The following DPP10 variants were observed in gnomAD, a reference collection of about 807,000 sequenced individuals.
DPP10 encodes inactive dipeptidyl peptidase 10.
In DPP10, 33 loss-of-function variants were observed where a neutral mutation model predicts 120.9. The observed-to-expected ratio is 0.27, with a 90% CI of 0.21 to 0.37. The LOEUF is 0.37. Ranked by LOEUF, DPP10 falls within the 10% of genes least tolerant of loss-of-function variation. DPP10 has a pLI of 1.00. For missense variants in DPP10, 816 were observed against 942.8 expected, an observed-to-expected ratio of 0.87 and a Z score of 1.76; for synonymous variants, 337 against 326.1, an observed-to-expected ratio of 1.03 and a Z score of -0.36.
intron 1 of DPP10, among the ~76,000 whole-genome samples, chr2:114,775,232 A>C (rs1364357907): frequency 1.3e-5 from 2 of 152,168 alleles, no homozygotes; most frequent in African/African-American, 4.8e-5. Flanking sequence ...CTAATAGCTA[A>C]AGGTCATAAA....
intron 1 of DPP10, among the ~76,000 whole-genome samples, chr2:114,802,299 A>G (rs904658480): frequency 6.6e-6 from 1 of 152,234 alleles, no homozygotes; most frequent in African/African-American, 2.4e-5. Context: ...AGGTATTTAT[A>G]CTTTTAAAAT....
chr2:115,338,274 A>T (rs1388456451), intron 2 of DPP10, among the ~76,000 whole-genome samples: 1 of 152,108 alleles, frequency 6.6e-6, no homozygotes, highest in Non-Finnish European at 1.5e-5. Context: ...TTTGTTACAG[A>T]CATATCGGGT....
intron 1 of DPP10, among the ~76,000 whole-genome samples, chr2:114,653,752 C>A (rs911883030): frequency 2.5e-4 from 38 of 152,056 alleles, no homozygotes; most frequent in African/African-American, 8.9e-4. Flanking sequence ...GCTGGGCTGG[C>A]GGAGAGCTAT....
At chr2:114,448,281 A>G (rs948846477) in intron 1 of DPP10, among the ~76,000 whole-genome samples, 1 of 152,174 alleles carries the variant, frequency 6.6e-6, no homozygotes, top group African/African-American at 2.4e-5. Flanking sequence ...GTAAATTTAA[A>G]CAGTTTTATG....
intron 1 of DPP10, among the ~76,000 whole-genome samples, chr2:115,170,932 T>C (rs72955507): frequency 0.012 from 1,755 of 152,326 alleles, 29 homozygotes; most frequent in African/African-American, 0.036. Flanking sequence ...CTCTGCACTC[T>C]AGGATGGTAC....
At chr2:114,546,482 T>C (rs1201605327) in intron 1 of DPP10, among the ~76,000 whole-genome samples, 2 of 152,204 alleles carry the variant, frequency 1.3e-5, no homozygotes, top group Non-Finnish European at 2.9e-5. Context: ...AACATTTCAA[T>C]GTGAGATTTG....
At chr2:115,372,286 T>G (rs1465797081) in intron 3 of DPP10, among the ~76,000 whole-genome samples, 3 of 152,154 alleles carry the variant, frequency 2.0e-5, no homozygotes, top group African/African-American at 7.2e-5. Context: ...TTTAAAGATA[T>G]GAACAAGTGA....
chr2:115,102,966 C>T (rs987409247), intron 1 of DPP10, among the ~76,000 whole-genome samples: 1 of 151,968 alleles, frequency 6.6e-6, no homozygotes, highest in Admixed American at 6.6e-5. Flanking sequence ...TTGATGATAC[C>T]TTTAAATTGT....
At chr2:114,753,694 G>A (rs1679449838) in intron 1 of DPP10, among the ~76,000 whole-genome samples, 1 of 152,124 alleles carries the variant, frequency 6.6e-6, no homozygotes, top group East Asian at 1.9e-4. Flanking sequence ...CAGATCACGA[G>A]GTCAGGAGAT....
chr2:115,755,606 AAGATTTTATGG>A (rs1679292621), intron 11 of DPP10, among the ~76,000 whole-genome samples: 1 of 152,140 alleles, frequency 6.6e-6, no homozygotes, highest in South Asian at 2.1e-4. Context: ...GGTCTAGGCA[AAGATTTTATGG>A]CTAAGACTTC....
intron 1 of DPP10, among the ~76,000 whole-genome samples, chr2:115,023,000 CAAGATAGATCA>C (rs1379143656): frequency 1.3e-5 from 2 of 151,950 alleles, no homozygotes; most frequent in Non-Finnish European, 2.9e-5. Flanking sequence ...AAAATCAACT[CAAGATAGATCA>C]AAGACTTAAA....
intron 3 of DPP10, among the ~76,000 whole-genome samples, chr2:115,464,793 A>T (rs1400631407): frequency 6.6e-6 from 1 of 152,086 alleles, no homozygotes; most frequent in African/African-American, 2.4e-5. Flanking sequence ...TCCTTGCCAC[A>T]TGAGTAGGAG....
At chr2:115,480,047 C>G in intron 3 of DPP10, among the ~76,000 whole-genome samples, 1 of 152,024 alleles carries the variant, frequency 6.6e-6, no homozygotes, top group East Asian at 1.9e-4. Context: ...GTGCTGCAGG[C>G]CATAACCAGG....
chr2:115,623,959 T>C (rs2085171090), intron 5 of DPP10, among the ~76,000 whole-genome samples: 1 of 149,934 alleles, frequency 6.7e-6, no homozygotes, highest in Non-Finnish European at 1.5e-5. Context: ...GATCATTTAC[T>C]CAACATCTTT....
intron 5 of DPP10, among the ~76,000 whole-genome samples, chr2:115,654,760 CTCTCAG>C (rs1309701085): frequency 4.6e-5 from 7 of 151,768 alleles, no homozygotes; most frequent in Non-Finnish European, 7.4e-5. Flanking sequence ...CAATCAATAT[CTCTCAG>C]TCTCAATGTG....
At chr2:115,123,577 A>G (rs965726528) in intron 1 of DPP10, among the ~76,000 whole-genome samples, 2 of 152,184 alleles carry the variant, frequency 1.3e-5, no homozygotes, top group Admixed American at 6.5e-5. Context: ...CCGGTCATCC[A>G]AATCCTGAGA....
chr2:115,256,526 G>A (rs976644733), intron 1 of DPP10, among the ~76,000 whole-genome samples: 1 of 152,184 alleles, frequency 6.6e-6, no homozygotes, highest in African/African-American at 2.4e-5. Flanking sequence ...GTAGTGTTCC[G>A]AGGTAGTGTA....
At chr2:114,684,989 TA>T (rs1198791791) in intron 1 of DPP10, among the ~76,000 whole-genome samples, 1 of 151,964 alleles carries the variant, frequency 6.6e-6, no homozygotes. Flanking sequence ...GTATGGAGGT[TA>T]ACAACAATTT....
chr2:114,544,881 C>G (rs968812565), intron 1 of DPP10, among the ~76,000 whole-genome samples: 3 of 151,524 alleles, frequency 2.0e-5, no homozygotes, highest in Non-Finnish European at 4.4e-5. Context: ...GAGGCAGAGT[C>G]TTGCTCTGTC....
Sources: gnomAD v4.1 joint callset for allele counts (sites outside exome capture counted in the v4.1 genomes callset) on GRCh38, gnomAD v4.1.1 for gene constraint, MANE v1.5 for transcripts, NCBI Gene and HGNC (gene_info 2026-07-23, HGNC 2026-07-21) for gene names.